Variants in UCKL1 observed in about 807,000 individuals in gnomAD.
UCKL1 encodes uridine-cytidine kinase 1 like 1, also known as uridine-cytidine kinase-like 1.
Under a neutral mutation model 59.2 loss-of-function variants are expected in UCKL1, and 65 were observed. The ratio of observed to expected loss-of-function variants is 1.10; its 90% CI spans 0.90 to 1.35. The LOEUF (loss-of-function observed/expected upper bound fraction) is 1.35, where lower values mean the gene tolerates loss of function less well. Among genes scored for constraint, UCKL1 ranks in the 40% most tolerant of loss-of-function variants. UCKL1 has a pLI of 0.00. For synonymous variants in UCKL1, 410 were observed against 323.1 expected (o/e 1.27, Z -2.88); for missense variants, 703 against 784.3 (o/e 0.90, Z 1.24).
At chr20:63,950,431 AAAAT>A (rs1245440525) in intron 1 of UCKL1, among the ~76,000 whole-genome samples, 1 of 152,100 alleles carries the variant, frequency 6.6e-6, no homozygotes, top group Non-Finnish European at 1.5e-5. Context: ...TAGAATATTA[AAAAT>A]AAATAAAAAC....
In UCKL1 at chr20:63,956,309, C is replaced by T. The variant is rs777661517; in HGVS notation, c.64G>A (p.Asp22Asn). 4.5e-6 allele frequency: 7 copies of T among 1,558,638 alleles called. No homozygotes were observed. The East Asian group carries it at 1.3e-4, about 29-fold the overall frequency. ...TTCTCAGCCTGCCGGCCTGGTGTGT[C>T]TCGGGCCGTAGGTGGCGACGTGGGC... ...PSPTSPPTAR[D>N]TPGRQAEKSE... Residue 22 changes from aspartate to asparagine, a missense_variant, in exon 1 of 15, where the codon GAC becomes AAC. Asp to Asn is a conservative substitution (Grantham distance 23). Coordinates refer to ENST00000354216, the MANE Select transcript of UCKL1 (RefSeq NM_017859.4).
chr20:63,943,570 G>A, intron 8 of UCKL1, 83 bp downstream of exon 8: 6 of 1,597,876 alleles, frequency 3.8e-6, no homozygotes, highest in Non-Finnish European at 5.1e-6. Flanking sequence ...CCAGCTGCCT[G>A]GCTGGATCAC....
chr20:63,941,726 C>A, intron 8 of UCKL1: 1 of 209,590 alleles, frequency 4.8e-6, no homozygotes, highest in South Asian at 6.3e-5. Flanking sequence ...TCCCGCCCCG[C>A]TGCCCAAGCC....
intron 3 of UCKL1, 31 bp from the exon 4 acceptor site, chr20:63,946,006 G>A (rs1216334103): frequency 1.2e-6 from 2 of 1,613,256 alleles, no homozygotes; most frequent in Non-Finnish European, 8.5e-7. Context: ...GCAGCTGTGG[G>A]CACAGTAGGG....
At chr20:63,950,812 TG>T in intron 1 of UCKL1, 3 of 1,538,752 alleles carry the variant, frequency 1.9e-6, no homozygotes, top group Non-Finnish European at 2.6e-6. Flanking sequence ...CAGGGTAAGC[TG>T]GGGGGCTGCT....
chr20:63,949,039 G>A (rs978673125), intron 1 of UCKL1, among the ~76,000 whole-genome samples: 2 of 152,122 alleles, frequency 1.3e-5, no homozygotes, highest in Admixed American at 1.3e-4. Context: ...CAGTGTGGCA[G>A]CATTTAAAGC....
intron 7 of UCKL1, 67 bp from the exon 8 acceptor site, chr20:63,943,736 G>A: frequency 6.2e-7 from 1 of 1,608,608 alleles, no homozygotes; most frequent in South Asian, 1.1e-5. Context: ...AGGCGGCCAG[G>A]CCACCCCCAC....
In UCKL1 at chr20:63,941,210, T is replaced by A; in HGVS notation, c.924-2A>T. The A allele has an allele frequency of 3.9e-6, 6 of 1,521,102 alleles. No individual in the cohort carries two copies. Among genetic ancestry groups the A allele is most frequent in the Non-Finnish European group, 5.3e-6 (6 of 1,139,274 alleles). 94.2% of individuals were successfully genotyped at this position (1,521,102 alleles called of 1,614,324 possible). A position where few individuals can be genotyped will look rare whatever the true frequency, so the allele number is the denominator to read the frequency against. ...TGGTGTGCCGAGGCCAGCGCAGCCCTGGGGACAAACCGATGGGGAACACTC... is the reference window on the plus strand; with the variant it reads ...TGGTGTGCCGAGGCCAGCGCAGCCCAGGGGACAAACCGATGGGGAACACTC... On this transcript the variant is annotated splice_acceptor_variant, in intron 8 of 14. Coordinates refer to ENST00000354216, the MANE Select transcript of UCKL1 (RefSeq NM_017859.4). LOFTEE classifies it high-confidence loss of function.
At chr20:63,951,224 T>G in intron 1 of UCKL1, 25 of 973,248 alleles carry the variant, frequency 2.6e-5, no homozygotes, top group South Asian at 4.7e-5. Context: ...TTAATAGCGC[T>G]GGCTTTGCCT....
intron 8 of UCKL1, chr20:63,942,539 G>A (rs1338993853): frequency 9.0e-6 from 10 of 1,109,190 alleles, no homozygotes; most frequent in African/African-American, 5.0e-5. Context: ...GGCAGGAAAC[G>A]GGGGTTTACA....
chr20:63,945,658 A>G lies in UCKL1; in HGVS notation c.647T>C (p.Leu216Pro), dbSNP rs1005235967. 1 of 1,612,946 alleles carries G rather than the reference A, an allele frequency of 6.2e-7. No homozygotes were observed. Among genetic ancestry groups the G allele is most frequent in the South Asian group, 1.1e-5 (1 of 91,080 alleles). The change falls in exon 5 of 15, where the codon CTG becomes CCG. Residue 216 changes from leucine (L) to proline (P), a missense_variant. Coordinates refer to ENST00000354216, the MANE Select transcript of UCKL1 (RefSeq NM_017859.4). ...EGIMAFADKT[L>P]LELLDMKIFV... ...TTCCCGGCGGGTGCTTACCTCCAAC[A>G]GTGTCTTGTCAGCAAAGGCCATGAT...
In UCKL1 at chr20:63,956,388, C is replaced by T. The variant is rs558027929; in HGVS notation, c.-16G>A. ...GCGCAGCCATGGCGCTCGGAGGCCTCTTTGCGGGCCTGGCCGGGCGGCGCG... is the reference window on the plus strand; with the variant it reads ...GCGCAGCCATGGCGCTCGGAGGCCTTTTTGCGGGCCTGGCCGGGCGGCGCG... On this transcript the variant is annotated 5_prime_UTR_variant, in exon 1 of 15. Coordinates refer to ENST00000354216, the MANE Select transcript of UCKL1 (RefSeq NM_017859.4). 11 of 1,444,196 alleles carry T rather than the reference C, an allele frequency of 7.6e-6. No homozygotes were observed. The highest frequency in any genetic ancestry group is 1.5e-5 in the African/African-American group (1 of 68,030). 89.5% of individuals were successfully genotyped at this position (1,444,196 alleles called of 1,614,324 possible).
intron 1 of UCKL1, chr20:63,950,713 C>A: frequency 2.7e-6 from 4 of 1,475,608 alleles, no homozygotes; most frequent in Non-Finnish European, 2.7e-6. Context: ...AGGACCACAG[C>A]ACAAGTGGGT....
intron 1 of UCKL1, chr20:63,953,855 G>C (rs1369419631): frequency 6.6e-6 from 1 of 152,670 alleles, no homozygotes; most frequent in Non-Finnish European, 1.5e-5. Flanking sequence ...AGCCACGGGA[G>C]AGAGCACACA....
chr20:63,950,018 T>G (rs1165736868), intron 1 of UCKL1, among the ~76,000 whole-genome samples: 1 of 152,220 alleles, frequency 6.6e-6, no homozygotes, highest in Non-Finnish European at 1.5e-5. Flanking sequence ...CTCATCCTAC[T>G]GAAGTAACAA....
At position 63,950,897 on chromosome 20, in the gene UCKL1, G is replaced by A. The variant is rs540484922; in HGVS notation, c.114-4254C>T. 6.4e-5 allele frequency: 91 copies of A among 1,421,670 alleles called. No homozygotes were observed. The African/African-American group carries it at 7.7e-4, about 12-fold the overall frequency. 88.1% of individuals were successfully genotyped at this position (1,421,670 alleles called of 1,614,324 possible). ...GGGGTGGATGCGTGGGGGCTCAGGC[G>A]CAGGCAGCCGTGGGGGACATCACCA... On this transcript the variant is annotated intron_variant, in intron 1 of 14. Coordinates refer to ENST00000354216, the MANE Select transcript of UCKL1 (RefSeq NM_017859.4).
intron 1 of UCKL1, chr20:63,950,996 AC>A: frequency 1.5e-6 from 2 of 1,308,746 alleles, no homozygotes; most frequent in African/African-American, 3.0e-5. Context: ...CATGGGCAGG[AC>A]CACTCCTGTG....
intron 2 of UCKL1, 71 bp downstream of exon 2, chr20:63,946,382 G>A: frequency 6.6e-7 from 1 of 1,521,124 alleles, no homozygotes; most frequent in Non-Finnish European, 8.9e-7. Context: ...TCCTTCTCCT[G>A]CTCCACAGGC....
Sources: gnomAD v4.1 joint callset for allele counts (sites outside exome capture counted in the v4.1 genomes callset) on GRCh38, gnomAD v4.1.1 for gene constraint, MANE v1.5 for transcripts, NCBI Gene and HGNC (gene_info 2026-07-23, HGNC 2026-07-21) for gene names.